Variants in PRODH2 observed in about 807,000 individuals in gnomAD.
PRODH2 encodes the protein hydroxyproline dehydrogenase.
In PRODH2, 49 loss-of-function variants were observed where a neutral mutation model predicts 51.9. That is an observed-to-expected ratio of 0.94 (90% CI 0.75 to 1.20). PRODH2 has a LOEUF of 1.20. Among genes scored for constraint, PRODH2 ranks in the 50% most tolerant of loss-of-function variants. The pLI is 0.00. For synonymous variants in PRODH2, 249 were observed against 260.7 expected (o/e 0.96, Z 0.43); for missense variants, 597 against 610.9 (o/e 0.98, Z 0.24).
In PRODH2 at chr19:35,812,031, C is replaced by T. The variant is rs761953073; in HGVS notation, c.528G>A (p.Trp176Ter). The T allele has an allele frequency of 1.9e-6, 3 of 1,614,218 alleles. No individual in the cohort carries two copies. The highest frequency in any genetic ancestry group is 1.7e-5 in the Admixed American group (1 of 60,022). The change falls in exon 4 of 10, where the codon TGG (tryptophan) becomes TGA (stop). Residue 176 changes from tryptophan (W) to a stop codon, truncating the protein, a stop_gained. Transcript: ENST00000653904. LOFTEE classifies it high-confidence loss of function. ...CCAAGGAGGCTCCTGGCCTTCTGAC[C>T]CACGAGGCTAGCTCCTTCTGAAATG... is the stretch of plus-strand genomic sequence containing the variant. The part of the protein sequence containing the change: ...STRLCKELAS[W>*]VRRPGASLEL...
Position 35,812,178 on chromosome 19 carries a change from G to T in PRODH2, c.466C>A (p.Leu156Ile). 6.2e-7 allele frequency: 1 copy of T among 1,614,182 alleles called. No homozygotes were observed. Among genetic ancestry groups the T allele is most frequent in the Non-Finnish European group, 8.5e-7 (1 of 1,180,038 alleles). Residue 156 changes from leucine to isoleucine, a missense_variant, in exon 3 of 10, where the codon CTC (leucine) becomes ATC (isoleucine). By Grantham distance (5) the Leu-to-Ile change is conservative. Transcript: ENST00000653904. ...LEPPSLAEAS[L>I]MQLKVTALTS... ...AGCGCCGTCACCTTCAGCTGCATGA[G>T]GCTGGCCTCAGCCAGGCTGGGGGGC...
At position 35,811,863 on chromosome 19, in the gene PRODH2, C is replaced by T. The variant is rs984497923; in HGVS notation, c.597+99G>A. On this transcript the variant is annotated intron_variant, in intron 4 of 9. Transcript: ENST00000653904. ...CTGCACTTCTGCTGGCTGTTCCAAG[C>T]CTGGAGGTGGCCGTAGCATTTTGAA... 2.0e-5 allele frequency: 24 copies of T among 1,201,666 alleles called. No homozygotes were observed. The African/African-American group carries it at 3.2e-4, about 16-fold the overall frequency. 74.4% of individuals were successfully genotyped at this position (1,201,666 alleles called of 1,614,324 possible).
At chr19:35,808,023 C>G (rs1367871072) in intron 4 of PRODH2, among the ~76,000 whole-genome samples, 1 of 152,186 alleles carries the variant, frequency 6.6e-6, no homozygotes, top group Non-Finnish European at 1.5e-5. Flanking sequence ...GATCCTCCCA[C>G]CTCAGCCTTC....
At position 35,812,540 on chromosome 19, in the gene PRODH2, C is replaced by A; in HGVS notation, c.191G>T (p.Arg64Leu). 1.9e-6 allele frequency: 3 copies of A among 1,613,884 alleles called. No homozygotes were observed. Among genetic ancestry groups the A allele is most frequent in the South Asian group, 1.1e-5 (1 of 91,058 alleles). Residue 64 changes from arginine (R) to leucine (L), a missense_variant, in exon 2 of 10, where the codon CGG becomes CTG. Physicochemically the swap from Arg to Leu is moderately radical, Grantham distance 102. Transcript: ENST00000653904. Reference sequence around the variant, plus strand: ...TGAGAGCCGGGAGCCCAGGAGTCGCCGAGACCAGGCCTGGAGCTGGGTGAC... The same window carrying A: ...TGAGAGCCGGGAGCCCAGGAGTCGCAGAGACCAGGCCTGGAGCTGGGTGAC... ...THGLLLQAWSRRLLGSRLSGA... is the reference protein window; with the variant it reads ...THGLLLQAWSLRLLGSRLSGA...
chr19:35,808,939 C>T (rs1002199852), intron 4 of PRODH2, among the ~76,000 whole-genome samples: 1 of 151,710 alleles, frequency 6.6e-6, no homozygotes, highest in Admixed American at 6.6e-5. Flanking sequence ...GCCACCACTT[C>T]TGGATAAGTT....
Position 35,802,183 on chromosome 19 carries a change from T to C in PRODH2, c.1198+8A>G. 1 of 1,613,570 alleles carries C rather than the reference T, an allele frequency of 6.2e-7. No homozygotes were observed. The highest frequency in any genetic ancestry group is 8.5e-7 in the Non-Finnish European group (1 of 1,179,664). On this transcript the variant is annotated splice_region_variant and intron_variant, in intron 9 of 9. Coordinates refer to ENST00000653904, the MANE Select transcript of PRODH2 (RefSeq NM_021232.2). ...GGCTTGATGGGGGTGGGGGAGCCATTCACATACCCAGTGCTAGAGAGACGT... is the reference window on the plus strand; with the variant it reads ...GGCTTGATGGGGGTGGGGGAGCCATCCACATACCCAGTGCTAGAGAGACGT...
chr19:35,804,504 G>A (rs938353563), intron 7 of PRODH2, among the ~76,000 whole-genome samples: 5 of 152,248 alleles, frequency 3.3e-5, no homozygotes, highest in Non-Finnish European at 7.3e-5. Flanking sequence ...TTAACAGAGT[G>A]GGGAGACTGA....
intron 5 of PRODH2, 99 bp downstream of exon 5, chr19:35,806,942 G>A: frequency 1.9e-6 from 3 of 1,543,716 alleles, no homozygotes; most frequent in Non-Finnish European, 2.6e-6. Flanking sequence ...GCTGAGGGAG[G>A]CCCGGAGGTG....
Position 35,812,715 on chromosome 19 carries a change from G to C in PRODH2, c.91C>G (p.Leu31Val). The C allele has an allele frequency of 6.2e-7, 1 of 1,611,798 alleles. No individual in the cohort carries two copies. The highest frequency in any genetic ancestry group is 8.5e-7 in the Non-Finnish European group (1 of 1,178,590). ...CGTGTCAGCTCTCCTGTGCCCTTAA[G>C]GTGGAAGGCCCCGCCATCAAAGCTC... ...SLSFDGGAFH[L>V]KGTGELTRAL... is the part of the protein sequence containing the mutation. The change falls in exon 1 of 10, where the codon CTT (leucine) becomes GTT (valine). Residue 31 changes from leucine (L) to valine (V), a missense_variant. Physicochemically the swap from Leu to Val is conservative, Grantham distance 32. Coordinates refer to ENST00000653904, the MANE Select transcript of PRODH2 (RefSeq NM_021232.2).
intron 9 of PRODH2, chr19:35,801,890 G>A: frequency 2.7e-6 from 1 of 364,658 alleles, no homozygotes; most frequent in Non-Finnish European, 5.1e-6. Context: ...TTAGGATAAA[G>A]TGATTTCGTT....
chr19:35,801,511 C>T (rs1458458490), intron 9 of PRODH2, among the ~76,000 whole-genome samples: 2 of 151,498 alleles, frequency 1.3e-5, no homozygotes, highest in African/African-American at 4.8e-5. Context: ...AAATGAGAAC[C>T]CAGAGAGAGA....
At chr19:35,810,478 G>T (rs1159779855) in intron 4 of PRODH2, among the ~76,000 whole-genome samples, 1 of 151,556 alleles carries the variant, frequency 6.6e-6, no homozygotes, top group East Asian at 1.9e-4. Flanking sequence ...GGGCATGGTG[G>T]CTCAGCCCAT....
In PRODH2 at chr19:35,800,004, G is replaced by A; in HGVS notation, c.*34C>T. The stretch of plus-strand genomic sequence containing the variant: ...GACAGCAGCTTAGGCAGCACCTAAG[G>A]ACTTTTATTGACCACATGACCCCCT... On this transcript the variant is annotated 3_prime_UTR_variant, in exon 10 of 10. Transcript: ENST00000653904. 1.3e-6 allele frequency: 2 copies of A among 1,585,684 alleles called. No individual in the cohort carries two copies. The highest frequency in any genetic ancestry group is 1.7e-6 in the Non-Finnish European group (2 of 1,165,582).
At chr19:35,810,554 A>G (rs1972592944) in intron 4 of PRODH2, among the ~76,000 whole-genome samples, 1 of 147,010 alleles carries the variant, frequency 6.8e-6, no homozygotes, top group Non-Finnish European at 1.5e-5. Context: ...ACGGAGTCTT[A>G]CTCTGTCACC....
Position 35,812,262 on chromosome 19 carries a change from AC to A in PRODH2, c.381del (p.Trp127CysfsTer33). The A allele has an allele frequency of 6.2e-7, 1 of 1,613,470 alleles. No homozygotes were observed. The highest frequency in any genetic ancestry group is 8.5e-7 in the Non-Finnish European group (1 of 1,179,934). On this transcript the variant is annotated frameshift_variant, in exon 3 of 10. Coordinates refer to ENST00000653904, the MANE Select transcript of PRODH2 (RefSeq NM_021232.2). LOFTEE classifies it high-confidence loss of function. ...AGCATAGCACCGAGGTTCCCCTCATACCACGCCTCACTGCCCAGCCAGCAGG... is the reference window on the plus strand; with the variant it reads ...AGCATAGCACCGAGGTTCCCCTCATACACGCCTCACTGCCCAGCCAGCAGG... ...PDSAAKSGEA[W>X]YEGNLGAMLR...
At chr19:35,808,816 T>C (rs112288267) in intron 4 of PRODH2, among the ~76,000 whole-genome samples, 5 of 115,766 alleles carry the variant, frequency 4.3e-5, no homozygotes, top group East Asian at 2.9e-4. Flanking sequence ...TTCCTTCTTT[T>C]TTTTTTTTTT....
intron 4 of PRODH2, 92 bp from the exon 5 acceptor site, chr19:35,807,213 G>T (rs1039633475): frequency 2.5e-6 from 3 of 1,201,694 alleles, no homozygotes; most frequent in Non-Finnish European, 2.4e-6. Context: ...TATTGAGGGG[G>T]TTATGAGCCT....
At chr19:35,812,597 G>T (rs1417751790) in intron 1 of PRODH2, 35 bp downstream of exon 1, 4 of 1,603,636 alleles carry the variant, frequency 2.5e-6, no homozygotes, top group Non-Finnish European at 3.4e-6. Flanking sequence ...AGGCTATGAG[G>T]AGCCTCCAGG....
chr19:35,812,014 G>T lies in PRODH2; in HGVS notation c.545C>A (p.Ala182Asp), dbSNP rs183293729. 1.4e-5 allele frequency: 23 copies of T among 1,614,088 alleles called. No individual in the cohort carries two copies. The highest frequency in any genetic ancestry group is 1.9e-5 in the Non-Finnish European group (23 of 1,180,040). The stretch of plus-strand genomic sequence containing the variant: ...CCTCTCGGGGCTCAGCTCCAAGGAG[G>T]CTCCTGGCCTTCTGACCCACGAGGC... Reference protein sequence around the residue: ...ELASWVRRPGASLELSPERLA... With the variant: ...ELASWVRRPGDSLELSPERLA... The change falls in exon 4 of 10, where the codon GCC becomes GAC. Residue 182 changes from alanine to aspartate, a missense_variant. Physicochemically the swap from Ala to Asp is moderately radical, Grantham distance 126. Transcript: ENST00000653904.
Sources: allele counts gnomAD v4.1 joint callset (sites outside exome capture counted in the v4.1 genomes callset), GRCh38; gene constraint gnomAD v4.1.1; transcripts MANE v1.5; gene names NCBI Gene and HGNC (gene_info 2026-07-23, HGNC 2026-07-21).